The following KANK1 variants were observed in gnomAD, a reference collection of about 807,000 sequenced individuals.
KANK1 encodes the protein KN motif and ankyrin repeat domains 1.
A neutral mutation model predicts 106.2 loss-of-function variants in KANK1; 109 were observed. That is an observed-to-expected ratio of 1.03 (90% CI 0.88 to 1.20). The LOEUF (loss-of-function observed/expected upper bound fraction) is 1.20, where lower values mean the gene tolerates loss of function less well. Ranked by LOEUF, KANK1 falls within the 50% of genes most tolerant of loss-of-function variation. The probability of loss-of-function intolerance (pLI) is 0.00; values close to 1 mark genes in which losing one functional copy is unlikely to be tolerated. For missense variants in KANK1, 2,399 were observed against 1,710.7 expected (o/e 1.40, Z -7.10); for synonymous variants, 873 against 652.2 (o/e 1.34, Z -5.16).
intron 2 of KANK1, among the ~76,000 whole-genome samples, chr9:705,046 T>G (rs1823699654): frequency 7.5e-6 from 1 of 133,788 alleles, no homozygotes; most frequent in Admixed American, 7.3e-5. Flanking sequence ...GTAAAAATTA[T>G]AAAATATAAA....
intron 10 of KANK1, among the ~76,000 whole-genome samples, chr9:743,643 T>G (rs1234218205): frequency 6.6e-6 from 1 of 151,974 alleles, no homozygotes; most frequent in African/African-American, 2.4e-5. Flanking sequence ...GACAGGAGGA[T>G]CGCTCGAGCC....
At chr9:530,760 A>G (rs2060019963) in intron 1 of KANK1, among the ~76,000 whole-genome samples, 1 of 152,192 alleles carries the variant, frequency 6.6e-6, no homozygotes, top group Admixed American at 6.5e-5. Flanking sequence ...AGGCCCAGGA[A>G]GGTGGAGTGC....
At chr9:508,984 A>C (rs1321858171) in intron 1 of KANK1, among the ~76,000 whole-genome samples, 1 of 152,196 alleles carries the variant, frequency 6.6e-6, no homozygotes, top group East Asian at 1.9e-4. Flanking sequence ...CGGATTTCTG[A>C]AGTGGTTGTA....
chr9:732,490 G>A lies in KANK1; in HGVS notation c.3118G>A (p.Asp1040Asn), dbSNP rs1412872204. The A allele has an allele frequency of 6.2e-7, 1 of 1,614,116 alleles. No individual in the cohort carries two copies. The highest frequency in any genetic ancestry group is 8.5e-7 in the Non-Finnish European group (1 of 1,180,024). The stretch of plus-strand genomic sequence containing the variant: ...TCTTGAAGAAGAGGAGGAGGAGGAG[G>A]ATGAAGACACTCGGGGAATGGCAGA... ...YPLEEEEEEEDEDTRGMAEGH... is the reference protein window; with the variant it reads ...YPLEEEEEEENEDTRGMAEGH... Residue 1040 changes from aspartate to asparagine, a missense_variant, in exon 6 of 12, where the codon GAT becomes AAT. Transcript: ENST00000382297.
intron 3 of KANK1, among the ~76,000 whole-genome samples, chr9:723,985 C>T (rs1340633717): frequency 1.3e-5 from 2 of 149,882 alleles, no homozygotes; most frequent in Non-Finnish European, 3.0e-5. Context: ...CGTCTGTGGT[C>T]CCAGCTATTT....
chr9:697,884 G>A (rs1383075675), intron 2 of KANK1, among the ~76,000 whole-genome samples: 3 of 152,248 alleles, frequency 2.0e-5, no homozygotes, highest in East Asian at 1.9e-4. Flanking sequence ...ACTGGTAGGC[G>A]GAGGGTGTTA....
In KANK1 at chr9:626,910, A is replaced by C. The variant is rs571426765; in HGVS notation, c.-83-49980A>C. On this transcript the variant is annotated intron_variant, in intron 1 of 11. Coordinates refer to ENST00000382297, the MANE Select transcript of KANK1 (RefSeq NM_015158.5). ...ACCAGATAGAAGACAGGCGGCTGCT[A>C]TTGGTGTTTTACACTGGTGTACATC... Among the ~76,000 whole-genome samples the C allele has an allele frequency of 2.0e-5, 3 of 152,186 alleles. No individual in the cohort carries two copies. In the South Asian group the frequency reaches 6.2e-4, roughly 31 times the overall value.
At chr9:632,698 G>GT (rs977525881) in intron 1 of KANK1, among the ~76,000 whole-genome samples, 109 of 152,076 alleles carry the variant, frequency 7.2e-4, no homozygotes, top group African/African-American at 2.6e-3. Flanking sequence ...GTTTTGTTTT[G>GT]TTTTTCTTTG....
rs1417835565 is a variant in KANK1, at chr9:712,146, G to C, written c.1380G>C (p.Gln460His). ...ACAAAGAAATTGAGCTGCAACAGCA[G>C]ACCATAGAATCCTTGAAGGAAAAGA... is the stretch of plus-strand genomic sequence containing the variant. ...EADKEIELQQ[Q>H]TIESLKEKIY... Residue 460 changes from glutamine (Q) to histidine (H), a missense_variant, in exon 3 of 12, where the codon CAG becomes CAC. Transcript: ENST00000382297. 6.2e-7 allele frequency: 1 copy of C among 1,614,114 alleles called. No homozygotes were observed. Among genetic ancestry groups the C allele is most frequent in the Non-Finnish European group, 8.5e-7 (1 of 1,180,034 alleles).
Position 607,383 on chromosome 9 carries a change from G to A in KANK1, c.-83-69507G>A, listed in dbSNP as rs190439414. ...ACCTGTAGTCCCAGCTATTTGGGAC[G>A]GTGAGGCAGGAGAATCGCTTGAATC... On this transcript the variant is annotated intron_variant, in intron 1 of 11. Transcript: ENST00000382297. Among the ~76,000 whole-genome samples, 243 of 151,114 alleles carry A rather than the reference G, an allele frequency of 1.6e-3. 3 individuals carry two copies. Among genetic ancestry groups the A allele is most frequent in the Middle Eastern group, 6.8e-3 (2 of 294 alleles).
chr9:702,363 A>G, intron 2 of KANK1, among the ~76,000 whole-genome samples: 1 of 152,130 alleles, frequency 6.6e-6, no homozygotes, highest in Admixed American at 6.6e-5. Context: ...TCTGCCTTTA[A>G]TTACTTTTCT....
At chr9:721,981 G>A (rs1368717221) in intron 3 of KANK1, among the ~76,000 whole-genome samples, 1 of 152,174 alleles carries the variant, frequency 6.6e-6, no homozygotes, top group Non-Finnish European at 1.5e-5. Flanking sequence ...TCAGGATTGA[G>A]GTGTACCGAA....
chr9:595,205 G>A (rs1395347223), intron 1 of KANK1, among the ~76,000 whole-genome samples: 1 of 151,558 alleles, frequency 6.6e-6, no homozygotes, highest in Non-Finnish European at 1.5e-5. Context: ...CTTGAGCCCA[G>A]GAGTTCAAGA....
intron 2 of KANK1, chr9:680,874 C>G (rs1419786040): frequency 6.6e-6 from 1 of 152,186 alleles, no homozygotes; most frequent in Non-Finnish European, 1.5e-5. Context: ...TCACCAGATC[C>G]TCCATCCTAC....
At chr9:735,318 A>C (rs1833487322) in intron 7 of KANK1, among the ~76,000 whole-genome samples, 1 of 152,180 alleles carries the variant, frequency 6.6e-6, no homozygotes, top group Non-Finnish European at 1.5e-5. Context: ...ACTATTTTTA[A>C]ACATAAAAAT....
chr9:630,633 G>A (rs746060728), intron 1 of KANK1, among the ~76,000 whole-genome samples: 11 of 152,144 alleles, frequency 7.2e-5, no homozygotes, highest in Admixed American at 2.6e-4. Context: ...TGGGCGCGGT[G>A]GCTCATGCCT....
chr9:695,866 T>G (rs1821137319), intron 2 of KANK1, among the ~76,000 whole-genome samples: 1 of 152,198 alleles, frequency 6.6e-6, no homozygotes, highest in Admixed American at 6.5e-5. Flanking sequence ...CCAGAGTGCC[T>G]GCTTCAAATC....
intron 2 of KANK1, among the ~76,000 whole-genome samples, chr9:700,247 A>G (rs958378347): frequency 2.0e-5 from 3 of 152,204 alleles, no homozygotes; most frequent in African/African-American, 7.2e-5. Context: ...CCTTTAAACC[A>G]GAAGGAGGAA....
chr9:608,249 G>A (rs912544241), intron 1 of KANK1, among the ~76,000 whole-genome samples: 10 of 150,808 alleles, frequency 6.6e-5, no homozygotes, highest in African/African-American at 2.5e-4. Context: ...TTGTTAGCCA[G>A]GATGGTCTCG....
Sources: gnomAD v4.1 joint callset for allele counts (sites outside exome capture counted in the v4.1 genomes callset) on GRCh38, gnomAD v4.1.1 for gene constraint, MANE v1.5 for transcripts, NCBI Gene and HGNC (gene_info 2026-07-23, HGNC 2026-07-21) for gene names.